The following TMEM260 variants were observed in gnomAD, a reference collection of about 807,000 sequenced individuals.
The protein encoded by TMEM260 is transmembrane protein 260.
In TMEM260, 82 loss-of-function variants were observed where a neutral mutation model predicts 88.9. The ratio of observed to expected loss-of-function variants is 0.92; its 90% CI spans 0.77 to 1.11. The LOEUF (loss-of-function observed/expected upper bound fraction) is 1.11, where lower values mean the gene tolerates loss of function less well. TMEM260 is among the 50% of genes least tolerant of loss of function. The probability of loss-of-function intolerance (pLI) is 0.00; values close to 1 mark genes in which losing one functional copy is unlikely to be tolerated. For synonymous variants in TMEM260, 314 were observed against 309.3 expected, an observed-to-expected ratio of 1.02 and a Z score of -0.16; for missense variants, 902 against 853.4, an observed-to-expected ratio of 1.06 and a Z score of -0.71.
At chr14:56,647,106 T>A in intron 15 of TMEM260, 137 bp from the exon 16 acceptor site, 4 of 921,192 alleles carry the variant, frequency 4.3e-6, no homozygotes, top group Non-Finnish European at 6.3e-6. Flanking sequence ...TCTGCATGGC[T>A]TAGCAATGAT....
the TMEM260 span, among the ~76,000 whole-genome samples, chr14:56,658,765 C>T: frequency 6.6e-6 from 1 of 152,086 alleles, no homozygotes; most frequent in Admixed American, 6.5e-5. Context: ...AAGTCTCACT[C>T]TGCCACCCAG....
Position 56,640,796 on chromosome 14 carries a change from C to T in TMEM260, c.1869+4198C>T, listed in dbSNP as rs187964158. On this transcript the variant is annotated intron_variant, in intron 15 of 15. Coordinates refer to ENST00000261556, the MANE Select transcript of TMEM260 (RefSeq NM_017799.4). ...ACTAGAATAACCAATGCAGAGAAGTCCTTAAAGGACCTGATGGAGCTGAAA... is the reference window on the plus strand; with the variant it reads ...ACTAGAATAACCAATGCAGAGAAGTTCTTAAAGGACCTGATGGAGCTGAAA... Among the ~76,000 whole-genome samples the T allele has an allele frequency of 1.2e-3, 189 of 151,936 alleles. 9 individuals are homozygous for T. In the South Asian group the frequency reaches 0.032, roughly 26 times the overall value.
At chr14:56,595,817 T>C (rs1289176508) in intron 3 of TMEM260, among the ~76,000 whole-genome samples, 1 of 152,164 alleles carries the variant, frequency 6.6e-6, no homozygotes, top group Non-Finnish European at 1.5e-5. Flanking sequence ...GAAATATTTA[T>C]TTTATAGACA....
intron 3 of TMEM260, among the ~76,000 whole-genome samples, chr14:56,593,993 G>A (rs1416856351): frequency 6.6e-6 from 1 of 152,096 alleles, no homozygotes; most frequent in African/African-American, 2.4e-5. Context: ...GGCCGTGAGT[G>A]TCTTTTATAA....
rs1251302660 is a variant in TMEM260, at chr14:56,580,020, G to T, written c.106G>T (p.Val36Leu). 4.8e-6 allele frequency: 6 copies of T among 1,249,052 alleles called. No individual in the cohort carries two copies. The allele number at this position is 1,249,052 out of a possible 1,614,324, so 77.4% of individuals were successfully genotyped here. A position where few individuals can be genotyped will look rare whatever the true frequency, so the allele number is the denominator to read the frequency against. ...IRGGVAVFAA[V>L]AAVFTFTLPP... ...CGGCGGCGTGGCGGTGTTCGCCGCCGTGGCCGCAGTGTTCACCTTCACCCT... is the reference window on the plus strand; with the variant it reads ...CGGCGGCGTGGCGGTGTTCGCCGCCTTGGCCGCAGTGTTCACCTTCACCCT... The change falls in exon 1 of 16, where the codon GTG becomes TTG. Residue 36 changes from valine to leucine, a missense_variant. Physicochemically the swap from Val to Leu is conservative, Grantham distance 32 (BLOSUM62 1). Coordinates refer to ENST00000261556, the MANE Select transcript of TMEM260 (RefSeq NM_017799.4).
downstream of TMEM260, among the ~76,000 whole-genome samples, chr14:56,655,492 G>T (rs761207698): frequency 5.1e-4 from 78 of 152,136 alleles, no homozygotes; most frequent in Middle Eastern, 3.4e-3. Context: ...CATAAGCCAT[G>T]CTGCATGCAC....
intron 1 of TMEM260, among the ~76,000 whole-genome samples, chr14:56,584,322 C>T (rs1342037388): frequency 5.3e-5 from 8 of 151,848 alleles, no homozygotes; most frequent in African/African-American, 1.7e-4. Flanking sequence ...AGAAATAGTC[C>T]CTGTGCTCTG....
intron 6 of TMEM260, 151 bp from the exon 7 acceptor site, chr14:56,612,094 C>T (rs1409562964): frequency 5.7e-6 from 4 of 703,986 alleles, no homozygotes; most frequent in Non-Finnish European, 1.0e-5. Flanking sequence ...CGCAGTTTAC[C>T]TGTGTAACAA....
At position 56,609,180 on chromosome 14, in the gene TMEM260, C is replaced by T; in HGVS notation, c.711C>T (p.Pro237=). ...GTTTGCTGCCCTATGTCCACCTTCC[C>T]ATCTCATCTTACCTTAATCACGCCC... ...SAGLLPYVHL[P]ISSYLNHARW... is the part of the protein sequence containing the mutation. The change falls in exon 6 of 16, where the codon CCC becomes CCT. Residue 237 remains proline, a synonymous_variant. Transcript: ENST00000261556. The T allele has an allele frequency of 1.2e-6, 2 of 1,614,116 alleles. No homozygotes were observed. Among genetic ancestry groups the T allele is most frequent in the Non-Finnish European group, 1.7e-6 (2 of 1,180,028 alleles).
chr14:56,597,091 C>T (rs929401146), intron 3 of TMEM260, among the ~76,000 whole-genome samples: 1 of 151,994 alleles, frequency 6.6e-6, no homozygotes, highest in Non-Finnish European at 1.5e-5. Context: ...GGAATACTTG[C>T]AAAAGACGAT....
intron 11 of TMEM260, among the ~76,000 whole-genome samples, chr14:56,622,232 A>T (rs1434478740): frequency 6.7e-6 from 1 of 149,640 alleles, no homozygotes. Context: ...AGTCCCAGCT[A>T]CTCGGGAGGC....
chr14:56,588,099 G>A (rs1885624037), intron 3 of TMEM260, among the ~76,000 whole-genome samples: 1 of 152,000 alleles, frequency 6.6e-6, no homozygotes, highest in African/African-American at 2.4e-5. Context: ...ATTTGTTTAG[G>A]AGACGTTTCA....
intron 3 of TMEM260, among the ~76,000 whole-genome samples, chr14:56,595,498 A>C (rs1401096868): frequency 6.6e-6 from 1 of 152,060 alleles, no homozygotes; most frequent in East Asian, 1.9e-4. Flanking sequence ...TCTTTTTTGG[A>C]GTCAAGGATA....
At position 56,609,330 on chromosome 14, in the gene TMEM260, C is replaced by A. The variant is rs756397732; in HGVS notation, c.816+45C>A. The A allele has an allele frequency of 1.7e-4, 256 of 1,549,526 alleles. 4 individuals carry two copies. Among genetic ancestry groups the A allele is most frequent in the Non-Finnish European group, 2.1e-4 (238 of 1,125,868 alleles). On this transcript the variant is annotated intron_variant, in intron 6 of 15. Coordinates refer to ENST00000261556, the MANE Select transcript of TMEM260 (RefSeq NM_017799.4). The stretch of plus-strand genomic sequence containing the variant: ...CCTTCTAAGGAAACAAGTGGCAAAA[C>A]TTCAGTGCTCTGCCTGGGCCTTGAT...
chr14:56,596,425 TACATAC>T (rs1388863341), intron 3 of TMEM260, among the ~76,000 whole-genome samples: 72 of 135,640 alleles, frequency 5.3e-4, no homozygotes, highest in African/African-American at 1.9e-3. Flanking sequence ...TATATATATA[TACATAC>T]ACACACATAT....
chr14:56,590,618 T>C (rs1435453893), intron 3 of TMEM260, among the ~76,000 whole-genome samples: 3 of 152,250 alleles, frequency 2.0e-5, no homozygotes, highest in Non-Finnish European at 4.4e-5. Flanking sequence ...GAAAGCTCTA[T>C]TGTTCACTTT....
chr14:56,647,042 A>G (rs1890009432), intron 15 of TMEM260, among the ~76,000 whole-genome samples: 1 of 152,188 alleles, frequency 6.6e-6, no homozygotes, highest in Non-Finnish European at 1.5e-5. Flanking sequence ...CAGTTTTAGA[A>G]GCAGCATATT....
At chr14:56,610,488 C>G (rs1157539472) in intron 6 of TMEM260, among the ~76,000 whole-genome samples, 1 of 152,146 alleles carries the variant, frequency 6.6e-6, no homozygotes, top group Non-Finnish European at 1.5e-5. Context: ...GTGATCCACC[C>G]TCCTCGGCCT....
intron 3 of TMEM260, among the ~76,000 whole-genome samples, chr14:56,586,757 A>G (rs546474048): frequency 1.1e-3 from 164 of 152,164 alleles, no homozygotes; most frequent in Non-Finnish European, 1.3e-3. Flanking sequence ...TTGGAGACCA[A>G]TATTTTTATT....
Sources: allele counts gnomAD v4.1 joint callset (sites outside exome capture counted in the v4.1 genomes callset), GRCh38; gene constraint gnomAD v4.1.1; transcripts MANE v1.5; gene names NCBI Gene and HGNC (gene_info 2026-07-23, HGNC 2026-07-21).